TMEM178B: variants seen among roughly 807,000 people sequenced by gnomAD.
TMEM178B encodes the protein transmembrane protein 178B.
Under a neutral mutation model 31.0 loss-of-function variants are expected in TMEM178B, and 5 were observed. The observed-to-expected ratio is 0.16, with a 90% CI of 0.08 to 0.34. TMEM178B has a LOEUF of 0.34. Ranked by LOEUF, TMEM178B falls within the 10% of genes least tolerant of loss-of-function variation. TMEM178B has a pLI of 1.00. For synonymous variants in TMEM178B, 164 were observed against 164.0 expected (o/e 1.00, Z 0.00); for missense variants, 275 against 400.3 (o/e 0.69, Z 2.67).
At chr7:141,203,730 T>G (rs1171986207) in intron 1 of TMEM178B, among the ~76,000 whole-genome samples, 1 of 152,216 alleles carries the variant, frequency 6.6e-6, no homozygotes, top group Non-Finnish European at 1.5e-5. Context: ...AAGCCTCTTT[T>G]GTGAAACAGG....
At position 141,321,502 on chromosome 7, in the gene TMEM178B, G is replaced by A. The variant is rs562779966; in HGVS notation, c.496+108798G>A. On this transcript the variant is annotated intron_variant, in intron 2 of 3. Coordinates refer to ENST00000565468, the MANE Select transcript of TMEM178B (RefSeq NM_001195278.2). ...CCGAGTAAGAGAGTGCAGTCAGGAGGCAGTGGTCACTATTCACGCCTACAG... is the reference window on the plus strand; with the variant it reads ...CCGAGTAAGAGAGTGCAGTCAGGAGACAGTGGTCACTATTCACGCCTACAG... Among the ~76,000 whole-genome samples the A allele has an allele frequency of 6.5e-4, 99 of 152,258 alleles. 1 individual carries two copies. In the South Asian group the frequency reaches 0.02, roughly 30 times the overall value.
intron 2 of TMEM178B, among the ~76,000 whole-genome samples, chr7:141,399,677 G>A (rs940122972): frequency 6.6e-6 from 1 of 152,136 alleles, no homozygotes; most frequent in African/African-American, 2.4e-5. Context: ...TCCAAAGATG[G>A]TTTATGGGCA....
intron 2 of TMEM178B, among the ~76,000 whole-genome samples, chr7:141,236,816 G>T (rs1347377852): frequency 1.3e-5 from 2 of 152,182 alleles, no homozygotes; most frequent in African/African-American, 4.8e-5. Flanking sequence ...TGATAGGTTT[G>T]TTCACATTCA....
the TMEM178B span, among the ~76,000 whole-genome samples, chr7:141,492,870 C>G: frequency 6.6e-6 from 1 of 152,196 alleles, no homozygotes; most frequent in Non-Finnish European, 1.5e-5. Flanking sequence ...TATTTTCCTT[C>G]TCCACATCTT....
chr7:141,097,666 A>G (rs894489467), intron 1 of TMEM178B, among the ~76,000 whole-genome samples: 1 of 152,132 alleles, frequency 6.6e-6, no homozygotes, highest in Non-Finnish European at 1.5e-5. Flanking sequence ...CTAAATTTGC[A>G]AACTTTCCCA....
chr7:141,215,331 A>AT (rs1317238195), intron 2 of TMEM178B, among the ~76,000 whole-genome samples: 2 of 69,106 alleles, frequency 2.9e-5, no homozygotes, highest in Non-Finnish European at 3.9e-5. Context: ...TATTATTATT[A>AT]TTATTATTTT....
rs1410436028 is a variant in TMEM178B, at chr7:141,242,411, CAG to C, written c.496+29710_496+29711del. ...GTTGAATTGAAACAAACAATATAAA[CAG>C]AGCAGAACTGCATAGTGATTTCCTC... On this transcript the variant is annotated intron_variant, in intron 2 of 3. Coordinates refer to ENST00000565468, the MANE Select transcript of TMEM178B (RefSeq NM_001195278.2). 3.3e-5 allele frequency among the ~76,000 whole-genome samples: 5 copies of C among 151,606 alleles called. No individual in the cohort carries two copies. In the East Asian group the frequency reaches 5.8e-4, roughly 18 times the overall value.
chr7:141,145,692 G>T lies in TMEM178B; in HGVS notation c.383-66899G>T, dbSNP rs1184798765. Among the ~76,000 whole-genome samples, 5 of 152,306 alleles carry T rather than the reference G, an allele frequency of 3.3e-5. No homozygotes were observed. The South Asian group carries it at 1.0e-3, about 32-fold the overall frequency. On this transcript the variant is annotated intron_variant, in intron 1 of 3. Coordinates refer to ENST00000565468, the MANE Select transcript of TMEM178B (RefSeq NM_001195278.2). ...TCAGGGCCCCTTCCTGGGAAAGTCT[G>T]ATTCCGTAGATCTGAAGTAGATAGT...
downstream of TMEM178B, among the ~76,000 whole-genome samples, chr7:141,480,766 C>A (rs1221397751): frequency 6.6e-6 from 1 of 152,220 alleles, no homozygotes; most frequent in Admixed American, 6.5e-5. Context: ...AGAGAAATTT[C>A]TCTCCTAGTC....
chr7:141,390,178 G>A (rs1452269049), intron 2 of TMEM178B, among the ~76,000 whole-genome samples: 1 of 152,218 alleles, frequency 6.6e-6, no homozygotes, highest in East Asian at 1.9e-4. Flanking sequence ...GAGAAGCCAA[G>A]CCAAAACTGA....
chr7:141,249,109 T>C (rs1797786949), intron 2 of TMEM178B, among the ~76,000 whole-genome samples: 1 of 152,208 alleles, frequency 6.6e-6, no homozygotes, highest in Admixed American at 6.5e-5. Flanking sequence ...ATGGTTTGAC[T>C]GTGTCCCCAC....
In TMEM178B at chr7:141,212,652, C is replaced by A; in HGVS notation, c.444C>A (p.Asn148Lys). The change falls in exon 2 of 4, where the codon AAC becomes AAA. Residue 148 changes from asparagine to lysine, a missense_variant. Coordinates refer to ENST00000565468, the MANE Select transcript of TMEM178B (RefSeq NM_001195278.2). ...YHYSSATIPR[N>K]LTFNITKTIR... Reference sequence around the variant, plus strand: ...ACTCCTCAGCAACCATCCCCAGGAACCTCACTTTCAATATCACGAAGACCA... The same window carrying A: ...ACTCCTCAGCAACCATCCCCAGGAAACTCACTTTCAATATCACGAAGACCA... 1.3e-6 allele frequency: 2 copies of A among 1,536,104 alleles called. No homozygotes were observed. The highest frequency in any genetic ancestry group is 1.7e-6 in the Non-Finnish European group (2 of 1,146,898).
chr7:141,162,882 C>A (rs534049964), intron 1 of TMEM178B, among the ~76,000 whole-genome samples: 1 of 152,266 alleles, frequency 6.6e-6, no homozygotes, highest in East Asian at 1.9e-4. Flanking sequence ...GCATGTGGAT[C>A]CCTCACTTCA....
Position 141,364,044 on chromosome 7 carries a change from G to T in TMEM178B, c.497-73564G>T, listed in dbSNP as rs184878507. ...TCACCTTGACTTACTCCTAATATCT[G>T]TTTAGGCTTTTCTCACCCATGAATG... is the stretch of plus-strand genomic sequence containing the variant. On this transcript the variant is annotated intron_variant, in intron 2 of 3. Coordinates refer to ENST00000565468, the MANE Select transcript of TMEM178B (RefSeq NM_001195278.2). Among the ~76,000 whole-genome samples, 4 of 152,076 alleles carry T rather than the reference G, an allele frequency of 2.6e-5. No individual in the cohort carries two copies. The East Asian group carries it at 7.7e-4, about 29-fold the overall frequency.
Position 141,470,885 on chromosome 7 carries a change from G to A in TMEM178B, c.*99G>A, listed in dbSNP as rs980548461. 1.3e-6 allele frequency: 1 copy of A among 760,906 alleles called. No homozygotes were observed. The highest frequency in any genetic ancestry group is 1.6e-6 in the Non-Finnish European group (1 of 609,108). 47.1% of individuals were successfully genotyped at this position (760,906 alleles called of 1,614,324 possible). On this transcript the variant is annotated 3_prime_UTR_variant, in exon 4 of 4. Coordinates refer to ENST00000565468, the MANE Select transcript of TMEM178B (RefSeq NM_001195278.2). Reference sequence around the variant, plus strand: ...TAAATCAAGACGATGCCAGTGCCAAGGTAGAGTTGAGTTGGCTCAGGCACC... The same window carrying A: ...TAAATCAAGACGATGCCAGTGCCAAAGTAGAGTTGAGTTGGCTCAGGCACC...
chr7:141,258,387 A>G (rs991112666), intron 2 of TMEM178B, among the ~76,000 whole-genome samples: 1 of 152,098 alleles, frequency 6.6e-6, no homozygotes. Flanking sequence ...AAAGTTTACA[A>G]ATTTGTTTTG....
intron 1 of TMEM178B, among the ~76,000 whole-genome samples, chr7:141,135,453 G>T (rs1160800707): frequency 6.6e-6 from 1 of 152,134 alleles, no homozygotes; most frequent in African/African-American, 2.4e-5. Context: ...TACATAGAAC[G>T]TTCTCCAGAA....
intron 2 of TMEM178B, among the ~76,000 whole-genome samples, chr7:141,324,336 A>AGGACTTT (rs1417957109): frequency 2.7e-5 from 4 of 147,796 alleles, no homozygotes; most frequent in African/African-American, 9.9e-5. Context: ...GAGAAGAGAT[A>AGGACTTT]GGACTTTGGA....
intron 1 of TMEM178B, among the ~76,000 whole-genome samples, chr7:141,153,570 A>G (rs902348149): frequency 6.6e-6 from 1 of 152,214 alleles, no homozygotes; most frequent in Non-Finnish European, 1.5e-5. Flanking sequence ...ACACTAATTT[A>G]CTTTCCCACT....
Sources: allele counts gnomAD v4.1 joint callset (sites outside exome capture counted in the v4.1 genomes callset), GRCh38; gene constraint gnomAD v4.1.1; transcripts MANE v1.5; gene names NCBI Gene and HGNC (gene_info 2026-07-23, HGNC 2026-07-21).